The following UCHL5 variants were observed in gnomAD, a reference collection of about 807,000 sequenced individuals.
UCHL5 encodes ubiquitin C-terminal hydrolase L5.
A neutral mutation model predicts 53.8 loss-of-function variants in UCHL5; 34 were observed. The observed-to-expected ratio is 0.63, with a 90% CI of 0.48 to 0.84. The LOEUF (loss-of-function observed/expected upper bound fraction) is 0.84, where lower values mean the gene tolerates loss of function less well. UCHL5 is among the 40% of genes least tolerant of loss of function. UCHL5 has a pLI of 0.00. For missense variants in UCHL5, 290 were observed against 385.6 expected (o/e 0.75, Z 2.08); for synonymous variants, 111 against 126.3 (o/e 0.88, Z 0.81).
chr1:193,020,465 G>C (rs1255271946), intron 10 of UCHL5: 1 of 1,531,254 alleles, frequency 6.5e-7, no homozygotes, highest in Non-Finnish European at 8.8e-7. Flanking sequence ...ATCTGGGGAG[G>C]GGCCAGGTAA....
chr1:193,036,317 CAAAAAAAAAA>C (rs960496083), intron 3 of UCHL5, among the ~76,000 whole-genome samples: 4,073 of 51,288 alleles, frequency 0.079, 124 homozygotes, highest in Middle Eastern at 0.13. Context: ...AACTGGAAAC[CAAAAAAAAAA>C]AAAAAAAAAA....
intron 3 of UCHL5, among the ~76,000 whole-genome samples, chr1:193,035,031 G>A (rs767494709): frequency 4.0e-5 from 6 of 151,512 alleles, no homozygotes; most frequent in Admixed American, 2.0e-4. Context: ...TCTTAGCTAG[G>A]AACTAAGACA....
intron 3 of UCHL5, among the ~76,000 whole-genome samples, chr1:193,038,348 C>T (rs983999453): frequency 2.7e-5 from 4 of 150,686 alleles, no homozygotes; most frequent in Non-Finnish European, 5.9e-5. Flanking sequence ...CCCAGCTACT[C>T]GGGAGGCTGA....
intron 3 of UCHL5, among the ~76,000 whole-genome samples, chr1:193,049,192 C>T (rs1279588097): frequency 6.6e-6 from 1 of 152,174 alleles, no homozygotes; most frequent in African/African-American, 2.4e-5. Flanking sequence ...GCGGGTGTAT[C>T]ACCTGAGAGG....
At chr1:193,039,299 A>G (rs922627855) in intron 3 of UCHL5, among the ~76,000 whole-genome samples, 1 of 152,038 alleles carries the variant, frequency 6.6e-6, no homozygotes, top group Non-Finnish European at 1.5e-5. Context: ...AATCCCAGCT[A>G]CTCAGGAGGC....
At chr1:193,024,378 T>A (rs544540235) in intron 7 of UCHL5, among the ~76,000 whole-genome samples, 1 of 151,648 alleles carries the variant, frequency 6.6e-6, no homozygotes, top group East Asian at 1.9e-4. Flanking sequence ...ATAAAAAACA[T>A]TTTCATCAAT....
At chr1:193,029,999 C>A (rs1439553393) in intron 3 of UCHL5, among the ~76,000 whole-genome samples, 1 of 152,142 alleles carries the variant, frequency 6.6e-6, no homozygotes, top group African/African-American at 2.4e-5. Context: ...CTCCTAGACT[C>A]ATTTCTACCT....
intron 3 of UCHL5, among the ~76,000 whole-genome samples, chr1:193,039,711 T>A (rs1294333926): frequency 2.0e-5 from 3 of 151,920 alleles, no homozygotes. Flanking sequence ...CAAAAAGAAC[T>A]AAACTGGAAG....
chr1:193,019,734 G>C (rs1656210433), intron 10 of UCHL5, among the ~76,000 whole-genome samples: 1 of 151,616 alleles, frequency 6.6e-6, no homozygotes, highest in Admixed American at 6.6e-5. Context: ...AAAATCTGGG[G>C]ATATAGTGTA....
At chr1:193,029,125 C>T in intron 6 of UCHL5, 54 bp downstream of exon 6, 1 of 1,585,482 alleles carries the variant, frequency 6.3e-7, no homozygotes, top group Non-Finnish European at 8.6e-7. Flanking sequence ...GGGTAAATAC[C>T]CAACAGATTT....
At chr1:193,042,944 G>A (rs1373847734) in intron 3 of UCHL5, among the ~76,000 whole-genome samples, 1 of 151,652 alleles carries the variant, frequency 6.6e-6, no homozygotes, top group Non-Finnish European at 1.5e-5. Flanking sequence ...CTGAGTTTTG[G>A]CCAGAGACAA....
At chr1:193,053,580 G>T (rs954273636) in intron 1 of UCHL5, among the ~76,000 whole-genome samples, 3 of 152,130 alleles carry the variant, frequency 2.0e-5, no homozygotes, top group African/African-American at 7.2e-5. Context: ...CAGCACTGTC[G>T]TAAAGGTCTT....
chr1:193,029,314 A>T lies in UCHL5; in HGVS notation c.435-5T>A, dbSNP rs780769199. Reference sequence around the variant, plus strand: ...TCAAATTCAAACATTTGCTGTCTACAGTAAATAAAAAAATAGTGAAACTCA... The same window carrying T: ...TCAAATTCAAACATTTGCTGTCTACTGTAAATAAAAAAATAGTGAAACTCA... On this transcript the variant is annotated splice_region_variant and splice_polypyrimidine_tract_variant and intron_variant, in intron 5 of 10. Transcript: ENST00000367454. 4 of 1,613,290 alleles carry T rather than the reference A, an allele frequency of 2.5e-6. No homozygotes were observed. The highest frequency in any genetic ancestry group is 2.5e-6 in the Non-Finnish European group (3 of 1,179,668).
intron 3 of UCHL5, among the ~76,000 whole-genome samples, chr1:193,046,973 G>A (rs779142317): frequency 6.6e-6 from 1 of 151,894 alleles, no homozygotes; most frequent in Non-Finnish European, 1.5e-5. Flanking sequence ...TTTATACTTG[G>A]AGTTCTGGAT....
At position 193,022,923 on chromosome 1, in the gene UCHL5, T is replaced by A; in HGVS notation, c.843+3A>T. ...TTAAAGGAACACATTTTTAAAAACA[T>A]ACCTTGTATCTTTTTAATTTCTGTA... On this transcript the variant is annotated splice_donor_region_variant and intron_variant, in intron 9 of 10. Coordinates refer to ENST00000367454, the MANE Select transcript of UCHL5 (RefSeq NM_001199261.3). 1 of 1,596,604 alleles carries A rather than the reference T, an allele frequency of 6.3e-7. No individual in the cohort carries two copies. Among genetic ancestry groups the A allele is most frequent in the East Asian group, 2.2e-5 (1 of 44,638 alleles).
At chr1:193,036,659 A>G (rs974921583) in intron 3 of UCHL5, among the ~76,000 whole-genome samples, 1 of 151,960 alleles carries the variant, frequency 6.6e-6, no homozygotes, top group Non-Finnish European at 1.5e-5. Flanking sequence ...ATTTCACCCA[A>G]CTGCTGCAAA....
chr1:193,055,625 C>A (rs1239806316), intron 1 of UCHL5, among the ~76,000 whole-genome samples: 2 of 152,076 alleles, frequency 1.3e-5, no homozygotes, highest in Non-Finnish European at 2.9e-5. Flanking sequence ...TTGTCAAATG[C>A]CTTTTGCATC....
chr1:193,026,478 C>G (rs1659276547), intron 7 of UCHL5, among the ~76,000 whole-genome samples: 1 of 152,052 alleles, frequency 6.6e-6, no homozygotes, highest in Non-Finnish European at 1.5e-5. Context: ...AGAAAATGAG[C>G]TAAAGGCACG....
chr1:193,048,139 T>C (rs1487410951), intron 3 of UCHL5, among the ~76,000 whole-genome samples: 1 of 152,190 alleles, frequency 6.6e-6, no homozygotes, highest in African/African-American at 2.4e-5. Flanking sequence ...CCTTGGAACA[T>C]CATTTTTGCT....
Sources: allele counts gnomAD v4.1 joint callset (sites outside exome capture counted in the v4.1 genomes callset), GRCh38; gene constraint gnomAD v4.1.1; transcripts MANE v1.5; gene names NCBI Gene and HGNC (gene_info 2026-07-23, HGNC 2026-07-21).